Variants in CAMK2G observed in about 807,000 individuals in gnomAD.
The protein encoded by CAMK2G is calcium/calmodulin-dependent protein kinase type II subunit gamma.
CAMK2G carries 23 observed loss-of-function variants against 88.7 expected under a neutral mutation model. That is an observed-to-expected ratio of 0.26 (90% CI 0.19 to 0.37). CAMK2G has a LOEUF of 0.37. CAMK2G is among the 10% of genes least tolerant of loss of function. CAMK2G has a pLI of 1.00. For synonymous variants in CAMK2G, 263 were observed against 294.8 expected, an observed-to-expected ratio of 0.89 and a Z score of 1.11; for missense variants, 476 against 780.8, an observed-to-expected ratio of 0.61 and a Z score of 4.65.
At chr10:73,870,380 G>A (rs964268433) in intron 2 of CAMK2G, among the ~76,000 whole-genome samples, 2 of 152,254 alleles carry the variant, frequency 1.3e-5, no homozygotes, top group East Asian at 3.9e-4. Flanking sequence ...AGTGCTCAAC[G>A]CATATCCGCA....
At chr10:73,868,428 C>T (rs183495496) in intron 2 of CAMK2G, among the ~76,000 whole-genome samples, 6 of 152,142 alleles carry the variant, frequency 3.9e-5, no homozygotes, top group African/African-American at 7.2e-5. Context: ...TCAACGTGAC[C>T]GCGTGACAAA....
intron 22 of CAMK2G, 186 bp from the exon 23 acceptor site, chr10:73,814,691 T>C (rs116687307): frequency 3.7e-4 from 117 of 314,510 alleles, no homozygotes; most frequent in African/African-American, 2.2e-3. Context: ...GCTTTACTTA[T>C]AGTATCTTAC....
At chr10:73,866,132 G>A (rs530254873) in intron 2 of CAMK2G, among the ~76,000 whole-genome samples, 7 of 152,274 alleles carry the variant, frequency 4.6e-5, no homozygotes, top group African/African-American at 1.7e-4. Context: ...CAGGCCCTGG[G>A]AAACAAGGAT....
chr10:73,860,915 A>G (rs766455473), intron 2 of CAMK2G, 26 bp from the exon 3 acceptor site: 1 of 1,578,572 alleles, frequency 6.3e-7, no homozygotes. Flanking sequence ...AAAAAACAAA[A>G]GCCATCAACC....
chr10:73,838,247 G>A (rs922801217), intron 13 of CAMK2G, among the ~76,000 whole-genome samples: 1 of 152,240 alleles, frequency 6.6e-6, no homozygotes, highest in Non-Finnish European at 1.5e-5. Flanking sequence ...AAAGGCCACA[G>A]GAAGGTAGCA....
At chr10:73,857,890 T>C (rs1475081266) in intron 3 of CAMK2G, among the ~76,000 whole-genome samples, 1 of 152,252 alleles carries the variant, frequency 6.6e-6, no homozygotes, top group Admixed American at 6.5e-5. Flanking sequence ...ATAAACTTTA[T>C]TTTCAGAGCA....
At chr10:73,845,904 CTTTTTTT>C (rs775000753) in intron 10 of CAMK2G, among the ~76,000 whole-genome samples, 1 of 135,884 alleles carries the variant, frequency 7.4e-6, no homozygotes, top group African/African-American at 2.7e-5. Context: ...CAATTCCCTT[CTTTTTTT>C]TTTTTTTTTT....
At position 73,837,293 on chromosome 10, in the gene CAMK2G, C is replaced by T. The variant is rs919847876; in HGVS notation, c.1053+175G>A. 2.9e-5 allele frequency: 20 copies of T among 695,996 alleles called. 1 individual carries two copies. In the Middle Eastern group the frequency reaches 1.3e-3, roughly 44 times the overall value. The allele number at this position is 695,996 out of a possible 1,614,324, so 43.1% of individuals were successfully genotyped here. On this transcript the variant is annotated intron_variant, in intron 14 of 22. Transcript: ENST00000423381. ...AGCTAGGGCCAGGAAAAATACCTCCCTACTTCCCTCTCAGGCCAGCAGAAC... is the reference window on the plus strand; with the variant it reads ...AGCTAGGGCCAGGAAAAATACCTCCTTACTTCCCTCTCAGGCCAGCAGAAC...
intron 3 of CAMK2G, 71 bp from the exon 4 acceptor site, chr10:73,853,317 G>T (rs1190852874): frequency 2.2e-6 from 3 of 1,364,588 alleles, no homozygotes; most frequent in Non-Finnish European, 3.1e-6. Context: ...CTCCTCAGCA[G>T]CCCCACCCCT....
At chr10:73,866,695 C>G (rs934319315) in intron 2 of CAMK2G, among the ~76,000 whole-genome samples, 1 of 152,214 alleles carries the variant, frequency 6.6e-6, no homozygotes, top group Admixed American at 6.5e-5. Context: ...GATTTCAGGG[C>G]TCCATGGGAG....
rs553043141 is a variant in CAMK2G, at chr10:73,821,756, T to C, written c.1201-26A>G. 10 of 1,594,996 alleles carry C rather than the reference T, an allele frequency of 6.3e-6. No individual in the cohort carries two copies. In the South Asian group the frequency reaches 1.1e-4, roughly 18 times the overall value. On this transcript the variant is annotated intron_variant, in intron 17 of 22. Coordinates refer to ENST00000423381, the MANE Select transcript of CAMK2G (RefSeq NM_001367534.1). The stretch of plus-strand genomic sequence containing the variant: ...CTGTAGGCCAAAAAGAACATGTTTC[T>C]ATATGCTCCATCCCTTGGAAGCCAG...
Position 73,868,443 on chromosome 10 carries a change from G to T in CAMK2G, c.160+4546C>A, listed in dbSNP as rs188226291. Among the ~76,000 whole-genome samples the T allele has an allele frequency of 1.3e-3, 193 of 152,296 alleles. 1 individual carries two copies. Among genetic ancestry groups the T allele is most frequent in the Non-Finnish European group, 3.7e-4 (25 of 68,022 alleles). On this transcript the variant is annotated intron_variant, in intron 2 of 22. Transcript: ENST00000423381. ...TCAACGTGACCGCGTGACAAAAGCC[G>T]CCTGGCAGAAGCCTTTGCACAGAGG...
intron 2 of CAMK2G, 73 bp downstream of exon 2, chr10:73,872,916 C>T: frequency 1.0e-6 from 1 of 961,760 alleles, no homozygotes. Flanking sequence ...CCCCCAATTC[C>T]TGGGGCTTCC....
rs2084661385 is a variant in CAMK2G at position 73,813,703 on chromosome 10, C to G, written c.*815G>C. 1 of 152,898 alleles carries G rather than the reference C, an allele frequency of 6.5e-6. No homozygotes were observed. The highest frequency in any genetic ancestry group is 6.5e-5 in the Admixed American group (1 of 15,288). The allele number at this position is 152,898 out of a possible 1,614,324, so 9.5% of individuals were successfully genotyped here. ...CAGCAACAACCCCTCCCCCTCCTAG[C>G]TGCAGGGATAAGGCCTCAATATTAG... On this transcript the variant is annotated 3_prime_UTR_variant, in exon 23 of 23. Transcript: ENST00000423381.
chr10:73,817,828 G>A, intron 19 of CAMK2G: 1 of 520,296 alleles, frequency 1.9e-6, no homozygotes, highest in South Asian at 2.6e-5. Context: ...CCAGGTTGCA[G>A]AAAACACGCT....
In CAMK2G at chr10:73,836,513, C is replaced by T. The variant is rs1480273662; in HGVS notation, c.1053+955G>A. Reference sequence around the variant, plus strand: ...CCCCAGCTCCATGTCAGAGGGTGTGCGCGGAGCCCAGGCTCCCCTGCGAGG... The same window carrying T: ...CCCCAGCTCCATGTCAGAGGGTGTGTGCGGAGCCCAGGCTCCCCTGCGAGG... On this transcript the variant is annotated intron_variant, in intron 14 of 22. Coordinates refer to ENST00000423381, the MANE Select transcript of CAMK2G (RefSeq NM_001367534.1). Among the ~76,000 whole-genome samples, 3 of 152,234 alleles carry T rather than the reference C, an allele frequency of 2.0e-5. No individual in the cohort carries two copies. In the South Asian group the frequency reaches 6.2e-4, roughly 32 times the overall value.
rs2084650805 is a variant in CAMK2G, at chr10:73,813,629, C to G, written c.*889G>C. The stretch of plus-strand genomic sequence containing the variant: ...CCAAAGGCGGCACGGGAGCCCTGAC[C>G]AGGGCCTGGCTCTCTCCTTGCCAGG... On this transcript the variant is annotated 3_prime_UTR_variant, in exon 23 of 23. Transcript: ENST00000423381. The G allele has an allele frequency of 6.5e-6, 1 of 152,882 alleles. No individual in the cohort carries two copies. Among genetic ancestry groups the G allele is most frequent in the South Asian group, 2.1e-4 (1 of 4,838 alleles). 9.5% of individuals were successfully genotyped at this position (152,882 alleles called of 1,614,324 possible).
chr10:73,815,374 C>T, intron 21 of CAMK2G, 127 bp from the exon 22 acceptor site: 1 of 656,530 alleles, frequency 1.5e-6, no homozygotes, highest in Non-Finnish European at 2.7e-6. Flanking sequence ...GTACCGCCCC[C>T]CCCCACCCCC....
chr10:73,859,455 C>A (rs2095264612), intron 3 of CAMK2G, among the ~76,000 whole-genome samples: 2 of 152,232 alleles, frequency 1.3e-5, no homozygotes, highest in Non-Finnish European at 2.9e-5. Context: ...GTCAGCCAAG[C>A]AAAACATGCC....
Sources: allele counts gnomAD v4.1 joint callset (sites outside exome capture counted in the v4.1 genomes callset), GRCh38; gene constraint gnomAD v4.1.1; transcripts MANE v1.5; gene names NCBI Gene and HGNC (gene_info 2026-07-23, HGNC 2026-07-21).